Variants in UNC45A observed in about 807,000 individuals in gnomAD.
UNC45A encodes the protein protein unc-45 homolog A.
Under a neutral mutation model 103.2 loss-of-function variants are expected in UNC45A, and 78 were observed. That is an observed-to-expected ratio of 0.76 (90% CI 0.63 to 0.91). UNC45A has a LOEUF of 0.91. Among genes scored for constraint, UNC45A ranks in the 40% least tolerant of loss-of-function variants. The probability of loss-of-function intolerance (pLI) is 0.00; values close to 1 mark genes in which losing one functional copy is unlikely to be tolerated. For synonymous variants in UNC45A, 495 were observed against 504.6 expected, an observed-to-expected ratio of 0.98 and a Z score of 0.25; for missense variants, 1,193 against 1,224.8, an observed-to-expected ratio of 0.97 and a Z score of 0.39.
intron 2 of UNC45A, 95 bp from the exon 3 acceptor site, chr15:90,935,851 C>T: frequency 6.3e-7 from 1 of 1,588,900 alleles, no homozygotes; most frequent in Non-Finnish European, 8.6e-7. Context: ...GGTGGGGGAT[C>T]GGGTGACCTT....
At position 90,942,459 on chromosome 15, in the gene UNC45A, T is replaced by C. The variant is rs1291676751; in HGVS notation, c.710T>C (p.Leu237Pro). The C allele has an allele frequency of 1.9e-6, 3 of 1,613,670 alleles. No individual in the cohort carries two copies. Among genetic ancestry groups the C allele is most frequent in the East Asian group, 2.2e-5 (1 of 44,872 alleles). Residue 237 changes from leucine to proline, a missense_variant, in exon 7 of 20, where the codon CTG becomes CCG. Leu to Pro is a moderately conservative substitution (Grantham distance 98). Transcript: ENST00000418476. ...QSRTVATLSI[L>P]GTRRVVSILG... is the part of the protein sequence containing the mutation. ...CAGACAGTGGCAACCCTGAGCATAC[T>C]GGGAACTCGGCGAGTAGTCTCCATC...
At chr15:90,931,014 T>C, upstream of UNC45A, 1 of 455,930 alleles carries the variant, frequency 2.2e-6, no homozygotes, top group Non-Finnish European at 4.0e-6. Flanking sequence ...GATCCCACCA[T>C]GCAAAATAGC....
At chr15:90,938,600 C>CT (rs1185058224) in intron 4 of UNC45A, among the ~76,000 whole-genome samples, 1 of 152,094 alleles carries the variant, frequency 6.6e-6, no homozygotes, top group Admixed American at 6.5e-5. Flanking sequence ...AGGCTTGTGC[C>CT]ACCATCTATG....
chr15:90,930,272 A>AT (rs1219654219), intron 1 of UNC45A: 1 of 152,236 alleles, frequency 6.6e-6, no homozygotes, highest in Non-Finnish European at 1.5e-5. Context: ...GGGAACCGGA[A>AT]TCCCCCACCG....
At chr15:90,939,680 T>C (rs914966465) in intron 4 of UNC45A, 51 bp from the exon 5 acceptor site, 1 of 1,592,210 alleles carries the variant, frequency 6.3e-7, no homozygotes, top group Admixed American at 1.7e-5. Flanking sequence ...GGGAGTGTGA[T>C]GTCTCTGGCC....
intron 5 of UNC45A, 79 bp from the exon 6 acceptor site, chr15:90,940,227 G>A: frequency 1.3e-6 from 2 of 1,505,264 alleles, no homozygotes; most frequent in Non-Finnish European, 8.9e-7. Flanking sequence ...GAGGTCCAGG[G>A]CTCGGGGCCC....
chr15:90,943,426 C>CA (rs71154147), intron 8 of UNC45A, among the ~76,000 whole-genome samples: 9,553 of 74,084 alleles, frequency 0.13, 772 homozygotes, highest in African/African-American at 0.26. Flanking sequence ...GAGACTGTCT[C>CA]AAAAAAAAAA....
Position 90,942,431 on chromosome 15 carries a change from C to T in UNC45A, c.688-6C>T. ...AGCTTCCTTCTGTTTACCTCTCCCA[C>T]CCCAGACAGTGGCAACCCTGAGCAT... On this transcript the variant is annotated splice_region_variant and splice_polypyrimidine_tract_variant and intron_variant, in intron 6 of 19. Transcript: ENST00000418476. 6.2e-7 allele frequency: 1 copy of T among 1,604,646 alleles called. No homozygotes were observed. The highest frequency in any genetic ancestry group is 8.5e-7 in the Non-Finnish European group (1 of 1,174,220).
rs569426271 is a variant in UNC45A at position 90,935,564 on chromosome 15, G to A, written c.72G>A (p.Leu24=). 1.9e-6 allele frequency: 3 copies of A among 1,609,432 alleles called. No homozygotes were observed. In the East Asian group the frequency reaches 6.7e-5, roughly 36 times the overall value. The change falls in exon 2 of 20, where the codon CTG becomes CTA. Residue 24 remains leucine (L), a synonymous_variant. Transcript: ENST00000418476. ...ATPGASSVEQ[L]RKEGNELFKC... ...TACAGGCCAGCTCAGTGGAGCAGCT[G>A]CGGAAGGAGGGCAATGAGCTGTTCA...
upstream of UNC45A, chr15:90,931,646 T>G: frequency 6.2e-7 from 1 of 1,614,042 alleles, no homozygotes; most frequent in Non-Finnish European, 8.5e-7. Flanking sequence ...GACCAACATG[T>G]GTCTTCAGAA....
intron 17 of UNC45A, chr15:90,952,470 A>T (rs577798431): frequency 1.3e-5 from 2 of 155,586 alleles, no homozygotes; most frequent in African/African-American, 4.9e-5. Context: ...CCCAGGCTGG[A>T]GTGCAGTGGC....
rs1308810680 is a variant in UNC45A at position 90,944,950 on chromosome 15, A to G, written c.1086A>G (p.Ala362=). ...TACAGGACCCTCCTGGGGAGCTCGC[A>G]GTGACCGCAAACAGCCGCATGAGCG... ...GSLQDPPGEL[A]VTANSRMSAS... Residue 362 remains alanine (A), a synonymous_variant, in exon 9 of 20, where the codon GCA becomes GCG. Transcript: ENST00000418476. 3.7e-6 allele frequency: 6 copies of G among 1,612,650 alleles called. No individual in the cohort carries two copies. In the South Asian group the frequency reaches 5.5e-5, roughly 15 times the overall value.
rs1187326305 is a variant in UNC45A, at chr15:90,948,173, A to G, written c.1627A>G (p.Thr543Ala). Residue 543 changes from threonine to alanine, a missense_variant, in exon 12 of 20, where the codon ACT (threonine) becomes GCT (alanine). Coordinates refer to ENST00000418476, the MANE Select transcript of UNC45A (RefSeq NM_018671.5). Reference protein sequence around the residue: ...WLCNDQIDAGTRRWAVEGLAY... With the variant: ...WLCNDQIDAGARRWAVEGLAY... ...GTGCAATGACCAGATCGACGCAGGC[A>G]CTCGGCGCTGGGCAGTGGAGGGCCT... The G allele has an allele frequency of 6.2e-7, 1 of 1,613,944 alleles. No homozygotes were observed.
intron 5 of UNC45A, among the ~76,000 whole-genome samples, chr15:90,940,029 C>T (rs1305608446): frequency 1.3e-5 from 2 of 152,208 alleles, no homozygotes; most frequent in African/African-American, 2.4e-5. Context: ...GTTGGCCACG[C>T]CCTGTGCCAG....
chr15:90,953,250 C>G lies in UNC45A; in HGVS notation c.2517C>G (p.Ala839=), dbSNP rs1008350719. The change falls in exon 19 of 20, where the codon GCC becomes GCG. Residue 839 remains alanine, a synonymous_variant. Transcript: ENST00000418476. ...EDDELLQRAA[A]GGLAMLTSMR... ...ATGAGCTGCTACAGCGGGCAGCTGC[C>G]GGGGGCTTGGCCATGCTTACCTCCA... 1 of 1,613,594 alleles carries G rather than the reference C, an allele frequency of 6.2e-7. No individual in the cohort carries two copies. The highest frequency in any genetic ancestry group is 8.5e-7 in the Non-Finnish European group (1 of 1,180,002).
At chr15:90,939,877 A>G (rs186048910) in intron 5 of UNC45A, 54 bp downstream of exon 5, 2 of 1,555,410 alleles carry the variant, frequency 1.3e-6, no homozygotes, top group Non-Finnish European at 1.8e-6. Context: ...CCACCCATCC[A>G]TAGGCCCCCG....
chr15:90,931,313 G>A (rs1350018022), upstream of UNC45A: 1 of 1,551,180 alleles, frequency 6.4e-7, no homozygotes, highest in Non-Finnish European at 8.7e-7. Context: ...AGATGCTTTA[G>A]AGCCTCTTCC....
chr15:90,951,627 G>A (rs1195267112), intron 17 of UNC45A, among the ~76,000 whole-genome samples: 1 of 152,196 alleles, frequency 6.6e-6, no homozygotes, highest in Non-Finnish European at 1.5e-5. Context: ...AGAATATCAG[G>A]AAGAATAGCT....
chr15:90,940,953 G>C (rs2036263060), intron 6 of UNC45A: 1 of 152,228 alleles, frequency 6.6e-6, no homozygotes. Flanking sequence ...AAAAGGCAGA[G>C]TACAAGGAGA....
Sources: allele counts gnomAD v4.1 joint callset (sites outside exome capture counted in the v4.1 genomes callset), GRCh38; gene constraint gnomAD v4.1.1; transcripts MANE v1.5; gene names NCBI Gene and HGNC (gene_info 2026-07-23, HGNC 2026-07-21).